Variants in PEBP4 observed in about 807,000 individuals in gnomAD.
PEBP4 encodes the protein phosphatidylethanolamine binding protein 4.
Under a neutral mutation model 23.9 loss-of-function variants are expected in PEBP4, and 22 were observed. That is an observed-to-expected ratio of 0.92 (90% CI 0.66 to 1.31). The LOEUF (loss-of-function observed/expected upper bound fraction) is 1.31, where lower values mean the gene tolerates loss of function less well. Ranked by LOEUF, PEBP4 falls within the 40% of genes most tolerant of loss-of-function variation. The pLI, the probability that PEBP4 is intolerant of heterozygous loss-of-function variation, is 0.00. For synonymous variants in PEBP4, 112 were observed against 99.3 expected (o/e 1.13, Z -0.76); for missense variants, 324 against 281.7 (o/e 1.15, Z -1.07).
intron 3 of PEBP4, among the ~76,000 whole-genome samples, chr8:22,841,850 T>A (rs993638783): frequency 1.3e-5 from 2 of 152,208 alleles, no homozygotes; most frequent in Non-Finnish European, 2.9e-5. Flanking sequence ...GAAACACACA[T>A]ATATTGGTGC....
intron 3 of PEBP4, among the ~76,000 whole-genome samples, chr8:22,821,279 C>A (rs1806851735): frequency 6.6e-6 from 1 of 152,164 alleles, no homozygotes; most frequent in Non-Finnish European, 1.5e-5. Flanking sequence ...AAAATCCAAA[C>A]AAACCCTGAA....
intron 3 of PEBP4, among the ~76,000 whole-genome samples, chr8:22,825,902 G>A (rs1470913606): frequency 6.6e-6 from 1 of 152,206 alleles, no homozygotes; most frequent in African/African-American, 2.4e-5. Context: ...TAAACCTTGA[G>A]GTTATTATGC....
chr8:22,914,544 G>A (rs1809027905), intron 3 of PEBP4, among the ~76,000 whole-genome samples: 1 of 152,210 alleles, frequency 6.6e-6, no homozygotes. Flanking sequence ...GTAACCAGTG[G>A]CTTGCTGGGG....
intron 4 of PEBP4, among the ~76,000 whole-genome samples, chr8:22,771,881 A>G (rs1463771495): frequency 6.6e-6 from 1 of 152,202 alleles, no homozygotes; most frequent in Non-Finnish European, 1.5e-5. Context: ...AGGTATAAAT[A>G]TGACTGCAAA....
chr8:22,921,978 C>T (rs376873182), intron 2 of PEBP4, among the ~76,000 whole-genome samples: 4 of 152,208 alleles, frequency 2.6e-5, no homozygotes, highest in East Asian at 1.9e-4. Context: ...GACGCCCTCA[C>T]GCCCATAACC....
chr8:22,919,296 A>T (rs778102970), intron 3 of PEBP4, among the ~76,000 whole-genome samples: 1 of 152,142 alleles, frequency 6.6e-6, no homozygotes, highest in Non-Finnish European at 1.5e-5. Context: ...GTGCTTGGTC[A>T]CATCCCGGCC....
At chr8:22,794,751 A>C (rs1047791665) in intron 4 of PEBP4, among the ~76,000 whole-genome samples, 2 of 152,140 alleles carry the variant, frequency 1.3e-5, no homozygotes, top group Non-Finnish European at 2.9e-5. Context: ...CAGATTGGTC[A>C]ATTATTTCAC....
At chr8:22,727,539 G>A (rs535190922) in intron 4 of PEBP4, among the ~76,000 whole-genome samples, 1 of 152,250 alleles carries the variant, frequency 6.6e-6, no homozygotes, top group South Asian at 2.1e-4. Flanking sequence ...CCAAAGAGCT[G>A]TTCCACGATC....
intron 4 of PEBP4, among the ~76,000 whole-genome samples, chr8:22,761,177 G>C (rs1805499797): frequency 6.6e-6 from 1 of 152,188 alleles, no homozygotes; most frequent in Non-Finnish European, 1.5e-5. Flanking sequence ...TCTCAGACCT[G>C]AAAGGAGACA....
chr8:22,721,544 G>C lies in PEBP4; in HGVS notation c.517+3299C>G, dbSNP rs116978639. Among the ~76,000 whole-genome samples, 29 of 152,266 alleles carry C rather than the reference G, an allele frequency of 1.9e-4. No individual in the cohort carries two copies. In the East Asian group the frequency reaches 5.6e-3, roughly 29 times the overall value. On this transcript the variant is annotated intron_variant, in intron 6 of 6. Coordinates refer to ENST00000256404, the MANE Select transcript of PEBP4 (RefSeq NM_144962.3). ...GCCTGTCATTTACCCATAAGATCCA[G>C]GGAGGGAAGAGGCCTGAACAGGATG...
intron 4 of PEBP4, among the ~76,000 whole-genome samples, chr8:22,744,247 C>G (rs888332241): frequency 2.6e-5 from 4 of 152,234 alleles, no homozygotes; most frequent in Non-Finnish European, 4.4e-5. Flanking sequence ...GTCTTGGTGA[C>G]TGGTAGCACC....
At chr8:22,836,428 C>T (rs1230726456) in intron 3 of PEBP4, among the ~76,000 whole-genome samples, 1 of 152,230 alleles carries the variant, frequency 6.6e-6, no homozygotes, top group African/African-American at 2.4e-5. Context: ...ACACCTAGGT[C>T]TCTGGACACT....
intron 4 of PEBP4, among the ~76,000 whole-genome samples, chr8:22,800,703 G>A (rs1184899491): frequency 6.6e-6 from 1 of 152,108 alleles, no homozygotes; most frequent in Non-Finnish European, 1.5e-5. Context: ...TTTATTCCCT[G>A]GGATTACAGC....
At chr8:22,839,895 A>G (rs542357049) in intron 3 of PEBP4, among the ~76,000 whole-genome samples, 1 of 152,262 alleles carries the variant, frequency 6.6e-6, no homozygotes, top group African/African-American at 2.4e-5. Flanking sequence ...GGCAATGTTG[A>G]GCTTTTTAGG....
chr8:22,739,386 T>A (rs755358787), intron 4 of PEBP4, among the ~76,000 whole-genome samples: 1 of 152,120 alleles, frequency 6.6e-6, no homozygotes, highest in Non-Finnish European at 1.5e-5. Flanking sequence ...GGCTAACTCC[T>A]CAGCCCGACT....
intron 4 of PEBP4, among the ~76,000 whole-genome samples, chr8:22,797,253 CAAAA>C (rs57749113): frequency 0.012 from 1,398 of 114,364 alleles, 17 homozygotes; most frequent in African/African-American, 0.038. Context: ...AACTCTGTCT[CAAAA>C]AAAAAAAAAA....
intron 4 of PEBP4, among the ~76,000 whole-genome samples, chr8:22,751,628 CTCTG>C (rs1370459659): frequency 1.2e-4 from 7 of 56,090 alleles, no homozygotes; most frequent in African/African-American, 3.6e-4. Flanking sequence ...GTGTGTGTGT[CTCTG>C]TGTGTGTGTG....
intron 3 of PEBP4, among the ~76,000 whole-genome samples, chr8:22,876,261 C>G (rs1018316447): frequency 6.6e-6 from 1 of 152,198 alleles, no homozygotes; most frequent in African/African-American, 2.4e-5. Context: ...ACCGCAGCTG[C>G]TAACACGTAC....
chr8:22,775,510 G>A lies in PEBP4; in HGVS notation c.357+42127C>T, dbSNP rs1180216471. On this transcript the variant is annotated intron_variant, in intron 4 of 6. Transcript: ENST00000256404. This position sits in a 1 kb window ranked among gnomAD's most constrained non-coding sequence, Gnocchi z 4.8. The stretch of plus-strand genomic sequence containing the variant: ...GGGATTTCTTTTTAAGAGACAAGGT[G>A]GGTGGAATGGGGGAAGCCAGCTGGC... 1.3e-5 allele frequency among the ~76,000 whole-genome samples: 2 copies of A among 152,182 alleles called. No homozygotes were observed. The highest frequency in any genetic ancestry group is 2.9e-5 in the Non-Finnish European group (2 of 68,036).
Sources: allele counts gnomAD v4.1 joint callset (sites outside exome capture counted in the v4.1 genomes callset), GRCh38; gene constraint gnomAD v4.1.1; non-coding constraint Gnocchi (gnomAD v3.1); transcripts MANE v1.5; gene names NCBI Gene and HGNC (gene_info 2026-07-23, HGNC 2026-07-21).